Variants in ZFP64 observed in about 807,000 individuals in gnomAD.
ZFP64 encodes ZFP64 zinc finger protein, also known as zinc finger protein 64.
ZFP64 carries 14 observed loss-of-function variants against 51.6 expected under a neutral mutation model. That is an observed-to-expected ratio of 0.27 (90% CI 0.18 to 0.42). ZFP64 has a LOEUF of 0.42. Ranked by LOEUF, ZFP64 falls within the 10% of genes least tolerant of loss-of-function variation. The pLI is 1.00. For synonymous variants in ZFP64, 375 were observed against 361.4 expected, an observed-to-expected ratio of 1.04 and a Z score of -0.43; for missense variants, 754 against 906.8, an observed-to-expected ratio of 0.83 and a Z score of 2.16.
At chr20:52,087,021 A>G (rs994316354) in intron 8 of ZFP64, among the ~76,000 whole-genome samples, 2 of 151,878 alleles carry the variant, frequency 1.3e-5, no homozygotes, top group South Asian at 4.2e-4. Context: ...ACATCATTCT[A>G]TTTTGCTCTC....
chr20:52,130,212 TTTTG>T (rs143799321), intron 5 of ZFP64, among the ~76,000 whole-genome samples: 9,526 of 151,966 alleles, frequency 0.063, 1,003 homozygotes, highest in African/African-American at 0.22. Context: ...TACAATTGTG[TTTTG>T]TTTGTTTGTT....
rs1350994734 is a variant in ZFP64 at position 52,191,433 on chromosome 20, C to T, written c.46+158G>A. Reference sequence around the variant, plus strand: ...CCCAAGCCCACTCCGGCGCCCCCTGCACAGCGCGCCCGCCGCGGTCCCCGA... The same window carrying T: ...CCCAAGCCCACTCCGGCGCCCCCTGTACAGCGCGCCCGCCGCGGTCCCCGA... On this transcript the variant is annotated intron_variant, in intron 1 of 5. Coordinates refer to ENST00000216923, the MANE Select transcript of ZFP64 (RefSeq NM_018197.3). This position sits in a 1 kb window ranked among gnomAD's most constrained non-coding sequence, Gnocchi z 4.3. Among the ~76,000 whole-genome samples, 3 of 152,098 alleles carry T rather than the reference C, an allele frequency of 2.0e-5. No homozygotes were observed. Among genetic ancestry groups the T allele is most frequent in the African/African-American group, 7.2e-5 (3 of 41,430 alleles).
rs749638360 is a variant in ZFP64 at position 52,152,261 on chromosome 20, G to A, written c.1931C>T (p.Ala644Val). 6.2e-7 allele frequency: 1 copy of A among 1,614,004 alleles called. No homozygotes were observed. The highest frequency in any genetic ancestry group is 1.3e-5 in the African/African-American group (1 of 74,896). Reference protein sequence around the residue: ...GGQNIAVATTAPPVFSSSSQQ... With the variant: ...GGQNIAVATTVPPVFSSSSQQ... ...GGAAGAGGAGGAGAAGACCGGTGGC[G>A]CTGTGGTGGCCACTGCGATGTTCTG... Residue 644 changes from alanine to valine, a missense_variant, in exon 6 of 6, where the codon GCG (alanine) becomes GTG (valine). Ala to Val is a moderately conservative substitution (Grantham distance 64). Transcript: ENST00000216923.
chr20:52,188,575 A>G (rs1054326001), intron 1 of ZFP64, among the ~76,000 whole-genome samples: 3 of 150,540 alleles, frequency 2.0e-5, no homozygotes, highest in African/African-American at 7.3e-5. Flanking sequence ...AGCCTCCCAA[A>G]TCCCTCCCTG....
rs1982683009 is a variant in ZFP64, at chr20:52,171,142, C to T, written c.287-5117G>A. Reference sequence around the variant, plus strand: ...CTCATCCAGATGGTCGGCTTGCTGGCGCCTCCTAGCTGGATTTATCAAGGG... The same window carrying T: ...CTCATCCAGATGGTCGGCTTGCTGGTGCCTCCTAGCTGGATTTATCAAGGG... On this transcript the variant is annotated intron_variant, in intron 2 of 5. Transcript: ENST00000216923. Among the ~76,000 whole-genome samples the T allele has an allele frequency of 2.0e-5, 3 of 152,190 alleles. No homozygotes were observed. In the South Asian group the frequency reaches 6.2e-4, roughly 31 times the overall value.
intron 5 of ZFP64, among the ~76,000 whole-genome samples, chr20:52,138,584 A>G (rs915267720): frequency 6.6e-6 from 1 of 152,220 alleles, no homozygotes; most frequent in African/African-American, 2.4e-5. Flanking sequence ...GAAAAAAAGG[A>G]AAAAATGACA....
At chr20:52,180,437 A>G (rs2123107593) in intron 2 of ZFP64, among the ~76,000 whole-genome samples, 2 of 152,066 alleles carry the variant, frequency 1.3e-5, no homozygotes, top group East Asian at 3.8e-4. Flanking sequence ...GCTAGCGGAG[A>G]AAACAGAAAC....
intron 5 of ZFP64, among the ~76,000 whole-genome samples, chr20:52,116,054 G>A (rs1170575590): frequency 6.6e-6 from 1 of 151,458 alleles, no homozygotes; most frequent in Non-Finnish European, 1.5e-5. Flanking sequence ...GTCTGGTCTC[G>A]AACTCCCGAC....
intron 7 of ZFP64, among the ~76,000 whole-genome samples, chr20:52,096,248 T>G (rs2078987208): frequency 6.6e-6 from 1 of 152,150 alleles, no homozygotes; most frequent in South Asian, 2.1e-4. Flanking sequence ...TAAGTCCCGC[T>G]CATGTTCCCC....
chr20:52,160,037 A>ACATTGTGG lies in ZFP64; in HGVS notation c.763+78_763+85dup, dbSNP rs1981646615. ...AGCAAAGGTTCCAACTCGATTTCTT[A>ACATTGTGG]CATTGTGGCTGAATGCTTTAAGGTG... On this transcript the variant is annotated intron_variant, in intron 5 of 5. Transcript: ENST00000216923. The surrounding 1 kb of genome is among the most constrained non-coding windows in gnomAD (Gnocchi z 4.2). The ACATTGTGG allele has an allele frequency of 3.2e-6, 5 of 1,577,714 alleles. No individual in the cohort carries two copies. The highest frequency in any genetic ancestry group is 4.3e-6 in the Non-Finnish European group (5 of 1,162,964).
At position 52,160,485 on chromosome 20, in the gene ZFP64, C is replaced by T; in HGVS notation, c.512-111G>A. 7.0e-7 allele frequency: 1 copy of T among 1,421,716 alleles called. No individual in the cohort carries two copies. Among genetic ancestry groups the T allele is most frequent in the Non-Finnish European group, 9.4e-7 (1 of 1,067,854 alleles). 88.1% of individuals were successfully genotyped at this position (1,421,716 alleles called of 1,614,324 possible). ...TCATATACAACCACCGAAGAATATT[C>T]CAAAAACCCTAAAACACTGGGTGGA... is the stretch of plus-strand genomic sequence containing the variant. On this transcript the variant is annotated intron_variant, in intron 4 of 5. Coordinates refer to ENST00000216923, the MANE Select transcript of ZFP64 (RefSeq NM_018197.3). The surrounding 1 kb of genome is among the most constrained non-coding windows in gnomAD (Gnocchi z 4.2).
intron 4 of ZFP64, among the ~76,000 whole-genome samples, chr20:52,163,198 T>C (rs6021763): frequency 0.19 from 29,572 of 151,964 alleles, 3,242 homozygotes; most frequent in Admixed American, 0.28. Context: ...TCGTCTCTAC[T>C]AAAAATACAA....
At chr20:52,110,634 A>AG in intron 5 of ZFP64, 1 of 1,075,084 alleles carries the variant, frequency 9.3e-7, no homozygotes, top group Non-Finnish European at 1.4e-6. Flanking sequence ...ACTCCTGGCC[A>AG]GGGTGTCCTA....
At chr20:52,181,101 C>T (rs891479763) in intron 2 of ZFP64, among the ~76,000 whole-genome samples, 14 of 152,084 alleles carry the variant, frequency 9.2e-5, no homozygotes, top group African/African-American at 2.7e-4. Context: ...TGCCACCATG[C>T]CCGGCTAATT....
intron 5 of ZFP64, among the ~76,000 whole-genome samples, chr20:52,129,191 C>T (rs1265259403): frequency 1.3e-5 from 2 of 152,056 alleles, no homozygotes; most frequent in Non-Finnish European, 2.9e-5. Context: ...ACGCCGTTCT[C>T]CCGCCTCAGC....
rs1374363941 is a variant in ZFP64, at chr20:52,117,726, T to C, written c.764-19139A>G. On this transcript the variant is annotated intron_variant, in intron 5 of 8. Coordinates refer to the ZFP64 transcript ENST00000361387. ...GGTGTGGACCAGCTGGGCCATAGAA[T>C]AGGTTTGCATTCAACTTGCCTAGAA... 2.7e-5 allele frequency: 12 copies of C among 452,266 alleles called. No homozygotes were observed. The Admixed American group carries it at 2.9e-4, about 11-fold the overall frequency. 28.0% of individuals were successfully genotyped at this position (452,266 alleles called of 1,614,324 possible). A position where few individuals can be genotyped will look rare whatever the true frequency, so the allele number is the denominator to read the frequency against.
rs1981098666 is a variant in ZFP64, at chr20:52,153,948, ATG to A, written c.764-522_764-521del. ...TTCATGCAGATCTTTATTAATAAAG[ATG>A]TGTTTCTTGCACAAAATTTATTTAT... On this transcript the variant is annotated intron_variant, in intron 5 of 5. Transcript: ENST00000216923. The surrounding 1 kb of genome is among the most constrained non-coding windows in gnomAD (Gnocchi z 5.1). Among the ~76,000 whole-genome samples, 5 of 152,336 alleles carry A rather than the reference ATG, an allele frequency of 3.3e-5. No homozygotes were observed. The South Asian group carries it at 1.0e-3, about 32-fold the overall frequency.
intron 5 of ZFP64, among the ~76,000 whole-genome samples, chr20:52,118,721 T>A (rs62216892): frequency 0.18 from 26,737 of 152,170 alleles, 2,509 homozygotes; most frequent in Non-Finnish European, 0.21. Context: ...GGAGGATAAA[T>A]AAGTAAACAG....
intron 7 of ZFP64, among the ~76,000 whole-genome samples, chr20:52,092,851 C>T (rs1479492065): frequency 6.6e-6 from 1 of 152,074 alleles, no homozygotes; most frequent in African/African-American, 2.4e-5. Context: ...AAGACTGTCT[C>T]TCAAAAACAA....
Sources: allele counts gnomAD v4.1 joint callset (sites outside exome capture counted in the v4.1 genomes callset), GRCh38; gene constraint gnomAD v4.1.1; non-coding constraint Gnocchi (gnomAD v3.1); transcripts MANE v1.5; gene names NCBI Gene and HGNC (gene_info 2026-07-23, HGNC 2026-07-21).